EML6: variants seen among roughly 807,000 people sequenced by gnomAD.
EML6 encodes echinoderm microtubule-associated protein-like 6.
In EML6, 154 loss-of-function variants were observed where a neutral mutation model predicts 240.1. That is an observed-to-expected ratio of 0.64 (90% CI 0.56 to 0.73). The LOEUF (loss-of-function observed/expected upper bound fraction) is 0.73. Among genes scored for constraint, EML6 ranks in the 30% least tolerant of loss-of-function variants. The probability of loss-of-function intolerance (pLI) is 0.00; values close to 1 mark genes in which losing one functional copy is unlikely to be tolerated. For missense variants in EML6, 2,964 were observed against 2,474.6 expected, an observed-to-expected ratio of 1.20 and a Z score of -4.20; for synonymous variants, 1,148 against 899.0, an observed-to-expected ratio of 1.28 and a Z score of -4.95.
chr2:54,929,262 T>G (rs755230), intron 28 of EML6, among the ~76,000 whole-genome samples: 1 of 152,052 alleles, frequency 6.6e-6, no homozygotes, highest in African/African-American at 2.4e-5. Flanking sequence ...GGGTTTGGCA[T>G]TTCCAGCCTA....
chr2:54,756,610 C>CT (rs140081402), intron 2 of EML6, among the ~76,000 whole-genome samples: 1,960 of 151,808 alleles, frequency 0.013, 51 homozygotes, highest in African/African-American at 0.045. Context: ...TTATATTTTC[C>CT]TTTTTATAAA....
chr2:54,796,286 C>T (rs1053038250), intron 2 of EML6, among the ~76,000 whole-genome samples: 9 of 152,148 alleles, frequency 5.9e-5, no homozygotes, highest in African/African-American at 2.2e-4. Flanking sequence ...AATATTTCCT[C>T]CTGAATTTCC....
chr2:54,925,137 A>G (rs1344060402), intron 26 of EML6, among the ~76,000 whole-genome samples: 1 of 152,170 alleles, frequency 6.6e-6, no homozygotes, highest in East Asian at 1.9e-4. Flanking sequence ...CTAATCTGAT[A>G]GAATCAGTGT....
chr2:54,826,021 T>C (rs1668574394), intron 5 of EML6, among the ~76,000 whole-genome samples: 1 of 152,244 alleles, frequency 6.6e-6, no homozygotes, highest in Non-Finnish European at 1.5e-5. Context: ...TCTCTACCTT[T>C]GAATTTCCTG....
At chr2:54,885,659 C>T (rs1181619532) in intron 17 of EML6, among the ~76,000 whole-genome samples, 2 of 152,006 alleles carry the variant, frequency 1.3e-5, no homozygotes, top group African/African-American at 4.8e-5. Context: ...TCTCCCAGGC[C>T]AGAGTGCAGT....
chr2:54,928,966 G>C (rs1220640533), intron 28 of EML6, among the ~76,000 whole-genome samples: 1 of 152,204 alleles, frequency 6.6e-6, no homozygotes, highest in Non-Finnish European at 1.5e-5. Context: ...GTGGAAGTTG[G>C]TTATGGAATG....
At chr2:54,927,425 TCA>T (rs1321097094) in intron 26 of EML6, among the ~76,000 whole-genome samples, 1 of 152,234 alleles carries the variant, frequency 6.6e-6, no homozygotes, top group African/African-American at 2.4e-5. Flanking sequence ...GGTGACTCTG[TCA>T]CAACCTCAGA....
chr2:54,828,949 G>A (rs1668729064), intron 6 of EML6, among the ~76,000 whole-genome samples: 1 of 152,168 alleles, frequency 6.6e-6, no homozygotes. Flanking sequence ...CATGTTCCTA[G>A]CCTCTTATCT....
In EML6 at chr2:54,755,672, T is replaced by A. The variant is rs553846312; in HGVS notation, c.197+30414T>A. Among the ~76,000 whole-genome samples, 7 of 152,236 alleles carry A rather than the reference T, an allele frequency of 4.6e-5. No individual in the cohort carries two copies. In the South Asian group the frequency reaches 1.2e-3, roughly 27 times the overall value. ...AGTATATAGAAATATAATTTTTTAG[T>A]TTTTTCGAGACAGGGTTTGGCTCTG... On this transcript the variant is annotated intron_variant, in intron 2 of 41. Transcript: ENST00000356458.
At chr2:54,860,805 C>A (rs1296072760) in intron 12 of EML6, among the ~76,000 whole-genome samples, 2 of 152,182 alleles carry the variant, frequency 1.3e-5, no homozygotes, top group Admixed American at 6.5e-5. Context: ...TATAAGAATG[C>A]AGCTCCTCAT....
intron 26 of EML6, among the ~76,000 whole-genome samples, chr2:54,918,023 A>G (rs1162368200): frequency 1.3e-5 from 2 of 152,224 alleles, no homozygotes; most frequent in Non-Finnish European, 2.9e-5. Flanking sequence ...CTGCCACACT[A>G]CAAAATTGAA....
At chr2:54,858,339 CAG>C (rs1214897778) in intron 11 of EML6, among the ~76,000 whole-genome samples, 1 of 152,198 alleles carries the variant, frequency 6.6e-6, no homozygotes, top group Non-Finnish European at 1.5e-5. Flanking sequence ...CATTTTGTAT[CAG>C]AGAATTTGTG....
chr2:54,919,002 A>G (rs1674077628), intron 26 of EML6, among the ~76,000 whole-genome samples: 1 of 152,266 alleles, frequency 6.6e-6, no homozygotes, highest in Admixed American at 6.5e-5. Flanking sequence ...TTGTTTTCCC[A>G]CTGGGATACA....
intron 2 of EML6, among the ~76,000 whole-genome samples, chr2:54,749,810 TTGTC>T (rs1684078095): frequency 6.6e-6 from 1 of 152,138 alleles, no homozygotes; most frequent in African/African-American, 2.4e-5. Context: ...ATTTACGTAA[TTGTC>T]TGGCATATTT....
intron 28 of EML6, among the ~76,000 whole-genome samples, chr2:54,942,587 G>A (rs185133268): frequency 6.6e-6 from 1 of 152,230 alleles, no homozygotes; most frequent in East Asian, 1.9e-4. Context: ...CTATGTTGGC[G>A]TGCTCTTTAC....
chr2:54,959,076 G>T, intron 33 of EML6, 28 bp from the exon 34 acceptor site: 1 of 1,539,068 alleles, frequency 6.5e-7, no homozygotes, highest in Non-Finnish European at 8.8e-7. Context: ...GTGTGTTCCG[G>T]GTGTAGAAGA....
At chr2:54,822,604 T>C (rs550036744) in intron 5 of EML6, among the ~76,000 whole-genome samples, 23 of 152,332 alleles carry the variant, frequency 1.5e-4, no homozygotes, top group Admixed American at 7.2e-4. Flanking sequence ...TTGGGAAATA[T>C]TCAAAATCTA....
At position 54,953,999 on chromosome 2, in the gene EML6, C is replaced by G; in HGVS notation, c.4329C>G (p.Ile1443Met). 1 of 1,551,414 alleles carries G rather than the reference C, an allele frequency of 6.4e-7. No homozygotes were observed. Reference protein sequence around the residue: ...ATSQIGTTPSIHIWDAMTKHT... With the variant: ...ATSQIGTTPSMHIWDAMTKHT... ...CACACTCAGGGACAACACCTTCCAT[C>G]CACATATGGGACGCCATGACCAAAC... Residue 1443 changes from isoleucine (I) to methionine (M), a missense_variant, in exon 32 of 42, where the codon ATC becomes ATG. By Grantham distance (10) the Ile-to-Met change is conservative (BLOSUM62 1). Coordinates refer to ENST00000356458, the MANE Select transcript of EML6 (RefSeq NM_001039753.4).
At chr2:54,812,019 T>C (rs1185478053) in intron 2 of EML6, among the ~76,000 whole-genome samples, 2 of 152,240 alleles carry the variant, frequency 1.3e-5, no homozygotes, top group Admixed American at 6.5e-5. Flanking sequence ...AAAGTACATA[T>C]GTTGTTTTTG....
Sources: gnomAD v4.1 joint callset for allele counts (sites outside exome capture counted in the v4.1 genomes callset) on GRCh38, gnomAD v4.1.1 for gene constraint, MANE v1.5 for transcripts, NCBI Gene and HGNC (gene_info 2026-07-23, HGNC 2026-07-21) for gene names.